B3GALT1: variants seen among roughly 807,000 people sequenced by gnomAD.
B3GALT1 encodes the protein beta-1,3-galactosyltransferase 1.
In B3GALT1, 10 loss-of-function variants were observed where a neutral mutation model predicts 23.2. The ratio of observed to expected loss-of-function variants is 0.43; its 90% CI spans 0.27 to 0.73. The LOEUF (loss-of-function observed/expected upper bound fraction) is 0.73, where lower values mean the gene tolerates loss of function less well. Ranked by LOEUF, B3GALT1 falls within the 30% of genes least tolerant of loss-of-function variation. The pLI, the probability that B3GALT1 is intolerant of heterozygous loss-of-function variation, is 0.21. For synonymous variants in B3GALT1, 156 were observed against 141.5 expected, an observed-to-expected ratio of 1.10 and a Z score of -0.73; for missense variants, 299 against 405.4, an observed-to-expected ratio of 0.74 and a Z score of 2.25.
At chr2:167,407,846 A>G (rs1404533520) in intron 1 of B3GALT1, among the ~76,000 whole-genome samples, 1 of 152,184 alleles carries the variant, frequency 6.6e-6, no homozygotes, top group Non-Finnish European at 1.5e-5. Flanking sequence ...AAAGATTCTC[A>G]TTAAAGAAAA....
At chr2:167,569,602 G>A (rs1451038453) in intron 2 of B3GALT1, among the ~76,000 whole-genome samples, 1 of 151,650 alleles carries the variant, frequency 6.6e-6, no homozygotes, top group Non-Finnish European at 1.5e-5. Context: ...CACGTCATTT[G>A]CAAACAATGA....
chr2:167,636,135 G>A (rs891188820), intron 2 of B3GALT1, among the ~76,000 whole-genome samples: 1 of 151,900 alleles, frequency 6.6e-6, no homozygotes, highest in African/African-American at 2.4e-5. Flanking sequence ...TAAGTAATGA[G>A]CACAGTAAAA....
chr2:167,645,272 T>G (rs1005791022), intron 2 of B3GALT1, among the ~76,000 whole-genome samples: 1 of 152,170 alleles, frequency 6.6e-6, no homozygotes, highest in Non-Finnish European at 1.5e-5. Context: ...AGCAATACTT[T>G]TATGAAACAA....
At position 167,869,177 on chromosome 2, in the gene B3GALT1, A is replaced by G. The variant is rs1436905840; in HGVS notation, c.138A>G (p.Lys46=). The change falls in exon 5 of 5, where the codon AAA becomes AAG. Residue 46 remains lysine, a synonymous_variant. Transcript: ENST00000392690. This position sits in a 1 kb window ranked among gnomAD's most constrained non-coding sequence, Gnocchi z 6.4. Reference sequence around the variant, plus strand: ...TCAGCCACCTAACAGTTGCCAGGAAAAACTTCACCTTTGGCAACATAAGAA... The same window carrying G: ...TCAGCCACCTAACAGTTGCCAGGAAGAACTTCACCTTTGGCAACATAAGAA... ...KPFSHLTVAR[K]NFTFGNIRTR... is the part of the protein sequence containing the mutation. 1.9e-6 allele frequency: 3 copies of G among 1,614,162 alleles called. No homozygotes were observed. Among genetic ancestry groups the G allele is most frequent in the Non-Finnish European group, 2.5e-6 (3 of 1,180,026 alleles).
chr2:167,509,834 G>T (rs1234659664), intron 2 of B3GALT1, among the ~76,000 whole-genome samples: 1 of 152,106 alleles, frequency 6.6e-6, no homozygotes, highest in Non-Finnish European at 1.5e-5. Context: ...CATTTGGAAG[G>T]TTTAGAACAA....
At chr2:167,576,035 G>A (rs76103725) in intron 2 of B3GALT1, among the ~76,000 whole-genome samples, 2,683 of 151,784 alleles carry the variant, frequency 0.018, 72 homozygotes, top group East Asian at 0.082. Flanking sequence ...TCAGTACACA[G>A]TGAATTAAGT....
intron 1 of B3GALT1, among the ~76,000 whole-genome samples, chr2:167,357,579 C>T (rs1034105046): frequency 6.6e-6 from 1 of 152,110 alleles, no homozygotes; most frequent in African/African-American, 2.4e-5. Context: ...CCTGCCACTA[C>T]AACTTTGTGT....
At chr2:167,562,849 C>T (rs1247632710) in intron 2 of B3GALT1, among the ~76,000 whole-genome samples, 5 of 151,892 alleles carry the variant, frequency 3.3e-5, no homozygotes, top group African/African-American at 9.7e-5. Flanking sequence ...GTGGTGATGA[C>T]TCTTAAGGAG....
intron 2 of B3GALT1, among the ~76,000 whole-genome samples, chr2:167,495,523 G>T (rs1340825946): frequency 6.6e-6 from 1 of 152,090 alleles, no homozygotes; most frequent in Non-Finnish European, 1.5e-5. Flanking sequence ...AGTAGAGACA[G>T]GGTTTCTCCA....
chr2:167,451,291 T>C (rs1699087048), intron 1 of B3GALT1, among the ~76,000 whole-genome samples: 1 of 152,174 alleles, frequency 6.6e-6, no homozygotes, highest in Admixed American at 6.5e-5. Context: ...ATTACCAGAA[T>C]TGTTTTTCTG....
intron 1 of B3GALT1, among the ~76,000 whole-genome samples, chr2:167,449,887 A>C (rs1215778074): frequency 2.0e-5 from 3 of 152,130 alleles, no homozygotes; most frequent in East Asian, 1.9e-4. Flanking sequence ...TATGTGGTAT[A>C]TCATATTTAT....
In B3GALT1 at chr2:167,457,480, G is replaced by A. The variant is rs543139704; in HGVS notation, c.-510-32697G>A. 7.9e-5 allele frequency among the ~76,000 whole-genome samples: 12 copies of A among 151,858 alleles called. No homozygotes were observed. The South Asian group carries it at 2.3e-3, about 29-fold the overall frequency. On this transcript the variant is annotated intron_variant, in intron 1 of 4. Coordinates refer to ENST00000392690, the MANE Select transcript of B3GALT1 (RefSeq NM_020981.4). ...GAGCCACCATGCCTGGCCTTCATCAGCTTCTTTACAGAATGGCCATTGTAC... is the reference window on the plus strand; with the variant it reads ...GAGCCACCATGCCTGGCCTTCATCAACTTCTTTACAGAATGGCCATTGTAC...
chr2:167,769,071 C>A (rs1688027178), intron 3 of B3GALT1, among the ~76,000 whole-genome samples: 1 of 152,092 alleles, frequency 6.6e-6, no homozygotes, highest in Non-Finnish European at 1.5e-5. Flanking sequence ...AATGGCTAGG[C>A]AGAAGAAGGA....
chr2:167,391,831 C>G (rs1479535719), intron 1 of B3GALT1, among the ~76,000 whole-genome samples: 1 of 152,170 alleles, frequency 6.6e-6, no homozygotes, highest in Non-Finnish European at 1.5e-5. Context: ...CTTTCTATCT[C>G]TACTACCTAA....
intron 1 of B3GALT1, among the ~76,000 whole-genome samples, chr2:167,438,458 G>A (rs375271361): frequency 1.3e-5 from 2 of 152,212 alleles, no homozygotes; most frequent in African/African-American, 4.8e-5. Context: ...GTTCCCTGTG[G>A]ATATATGCAG....
At chr2:167,338,887 CAATA>C (rs1306621426) in intron 1 of B3GALT1, among the ~76,000 whole-genome samples, 3 of 151,842 alleles carry the variant, frequency 2.0e-5, no homozygotes, top group East Asian at 1.9e-4. Flanking sequence ...AAAAATCCTC[CAATA>C]AATAAATATT....
intron 3 of B3GALT1, among the ~76,000 whole-genome samples, chr2:167,651,236 TTGTGTG>T (rs747590317): frequency 3.4e-5 from 3 of 89,312 alleles, no homozygotes; most frequent in African/African-American, 3.5e-5. Flanking sequence ...AGCAGAAAGG[TTGTGTG>T]TGTGTGTGTG....
chr2:167,703,755 A>G (rs1247176404), intron 3 of B3GALT1, among the ~76,000 whole-genome samples: 1 of 152,192 alleles, frequency 6.6e-6, no homozygotes, highest in African/African-American at 2.4e-5. Flanking sequence ...AGAGATATTT[A>G]AAAACAAAGG....
At chr2:167,523,098 T>C (rs1683128586) in intron 2 of B3GALT1, among the ~76,000 whole-genome samples, 1 of 152,140 alleles carries the variant, frequency 6.6e-6, no homozygotes, top group African/African-American at 2.4e-5. Context: ...TAGGCACCCA[T>C]CCTCCACACC....
Sources: allele counts gnomAD v4.1 joint callset (sites outside exome capture counted in the v4.1 genomes callset), GRCh38; gene constraint gnomAD v4.1.1; non-coding constraint Gnocchi (gnomAD v3.1); transcripts MANE v1.5; gene names NCBI Gene and HGNC (gene_info 2026-07-23, HGNC 2026-07-21).